The following DQX1 variants were observed in gnomAD, a reference collection of about 807,000 sequenced individuals.
The protein encoded by DQX1 is ATP-dependent RNA helicase homolog DQX1.
Under a neutral mutation model 81.3 loss-of-function variants are expected in DQX1, and 66 were observed. That is an observed-to-expected ratio of 0.81 (90% CI 0.67 to 1.00). The LOEUF is 1.00. Ranked by LOEUF, DQX1 falls within the 50% of genes least tolerant of loss-of-function variation. DQX1 has a pLI of 0.00. For synonymous variants in DQX1, 290 were observed against 350.0 expected (o/e 0.83, Z 1.91); for missense variants, 798 against 867.9 (o/e 0.92, Z 1.01).
chr2:74,519,978 C>T lies in DQX1; in HGVS notation c.1552G>A (p.Ala518Thr). The T allele has an allele frequency of 1.2e-6, 2 of 1,614,190 alleles. No homozygotes were observed. Among genetic ancestry groups the T allele is most frequent in the South Asian group, 2.2e-5 (2 of 91,088 alleles). The stretch of plus-strand genomic sequence containing the variant: ...TGGTCACCATCCGTGTGTTCCAGGG[C>T]CCGACGCAGGGCAGCTTCTTCTGCA... ...LSAEEAALRRALEHTDGDHSS... is the reference protein window; with the variant it reads ...LSAEEAALRRTLEHTDGDHSS... Residue 518 changes from alanine to threonine, a missense_variant, in exon 9 of 12, where the codon GCC (alanine) becomes ACC (threonine). Ala to Thr is a moderately conservative substitution (Grantham distance 58). Coordinates refer to ENST00000404568, the MANE Select transcript of DQX1 (RefSeq NM_133637.3).
rs1268951847 is a variant in DQX1, at chr2:74,524,173, G to A, written c.566C>T (p.Ala189Val). Residue 189 changes from alanine to valine, a missense_variant, in exon 4 of 12, where the codon GCC (alanine) becomes GTC (valine). Transcript: ENST00000404568. ...GTCCCCCGGAAGTTTTTCCAGCCTGGCATCTTGCAGTAGCCCCTGGAGTGA... is the reference window on the plus strand; with the variant it reads ...GTCCCCCGGAAGTTTTTCCAGCCTGACATCTTGCAGTAGCCCCTGGAGTGA... Reference protein sequence around the residue: ...SDSLQGLLQDARLEKLPGDLR... With the variant: ...SDSLQGLLQDVRLEKLPGDLR... The A allele has an allele frequency of 3.7e-6, 6 of 1,614,168 alleles. No homozygotes were observed. The highest frequency in any genetic ancestry group is 5.1e-6 in the Non-Finnish European group (6 of 1,180,022).
At chr2:74,521,664 GAAAA>G (rs1330433355) in intron 8 of DQX1, among the ~76,000 whole-genome samples, 1 of 148,086 alleles carries the variant, frequency 6.8e-6, no homozygotes, top group Non-Finnish European at 1.5e-5. Flanking sequence ...AAAAAAAAAA[GAAAA>G]AGAAAAAAAG....
chr2:74,518,902 C>A, intron 11 of DQX1, 138 bp downstream of exon 11: 1 of 970,834 alleles, frequency 1.0e-6, no homozygotes, highest in Non-Finnish European at 1.5e-6. Context: ...CTCACCAGCC[C>A]TTCCACAAAT....
Position 74,519,089 on chromosome 2 carries a change from T to TG in DQX1, c.1947dup (p.Ile650HisfsTer12). 2.5e-6 allele frequency: 4 copies of TG among 1,601,106 alleles called. No individual in the cohort carries two copies. The highest frequency in any genetic ancestry group is 3.4e-6 in the Non-Finnish European group (4 of 1,175,722). On this transcript the variant is annotated frameshift_variant, in exon 11 of 12. Coordinates refer to ENST00000404568, the MANE Select transcript of DQX1 (RefSeq NM_133637.3). LOFTEE classifies it high-confidence loss of function. Reference sequence around the variant, plus strand: ...ATGGAAAGGCAGTTGTCTTTGGATATGGTGAAATTGTGGTAGAGCACCCAT... The same window carrying TG: ...ATGGAAAGGCAGTTGTCTTTGGATATGGGTGAAATTGTGGTAGAGCACCCAT...
In DQX1 at chr2:74,518,683, G is replaced by C. The variant is rs1020728466; in HGVS notation, c.1998-81C>G. On this transcript the variant is annotated intron_variant, in intron 11 of 11. Transcript: ENST00000404568. ...CTTTTTAGAGACAGGGTCTCGCTCT[G>C]TTACCTGGGCTGGAGTTCAGTGGCA... 1.3e-5 allele frequency: 18 copies of C among 1,412,450 alleles called. No homozygotes were observed. In the Admixed American group the frequency reaches 2.5e-4, roughly 20 times the overall value. The allele number at this position is 1,412,450 out of a possible 1,614,324, so 87.5% of individuals were successfully genotyped here.
At position 74,524,052 on chromosome 2, in the gene DQX1, AC is replaced by A. The variant is rs1675110069; in HGVS notation, c.686del (p.Gly229ValfsTer37). On this transcript the variant is annotated frameshift_variant, in exon 4 of 12. Transcript: ENST00000404568. LOFTEE classifies it high-confidence loss of function. Reference protein sequence around the residue: ...PPIVHIPREPGERPSPIYWDT... With the variant: ...PPIVHIPREPXERPSPIYWDT... ...CCCAGTAGATGGGGGAAGGTCTCTC[AC>A]CAGGCTCTCTGGGTATATGCACAAT... The A allele has an allele frequency of 6.2e-7, 1 of 1,614,044 alleles. No individual in the cohort carries two copies. Among genetic ancestry groups the A allele is most frequent in the Non-Finnish European group, 8.5e-7 (1 of 1,180,014 alleles).
chr2:74,521,135 T>A (rs1272400333), intron 8 of DQX1, among the ~76,000 whole-genome samples: 1 of 152,190 alleles, frequency 6.6e-6, no homozygotes, highest in Non-Finnish European at 1.5e-5. Flanking sequence ...GACAGATGAA[T>A]ATATTTATAT....
chr2:74,521,728 C>T (rs909937278), intron 8 of DQX1, among the ~76,000 whole-genome samples: 1 of 149,732 alleles, frequency 6.7e-6, no homozygotes, highest in Non-Finnish European at 1.5e-5. Context: ...CCTCTCTTTC[C>T]CTCTCCCTCT....
rs141992353 is a variant in DQX1 at position 74,519,116 on chromosome 2, G to C, written c.1921C>G (p.Pro641Ala). 5.6e-6 allele frequency: 9 copies of C among 1,612,168 alleles called. No individual in the cohort carries two copies. Among genetic ancestry groups the C allele is most frequent in the Non-Finnish European group, 7.6e-6 (9 of 1,179,344 alleles). Reference sequence around the variant, plus strand: ...GTGAAATTGTGGTAGAGCACCCATGGTGGGGGTCTGGCAGGAGCTCTGCGG... The same window carrying C: ...GTGAAATTGTGGTAGAGCACCCATGCTGGGGGTCTGGCAGGAGCTCTGCGG... Reference protein sequence around the residue: ...RSRRAPARPPPWVLYHNFTIS... With the variant: ...RSRRAPARPPAWVLYHNFTIS... Residue 641 changes from proline to alanine, a missense_variant, in exon 11 of 12, where the codon CCA becomes GCA. Physicochemically the swap from Pro to Ala is conservative, Grantham distance 27. Transcript: ENST00000404568.
At chr2:74,524,744 G>A (rs1378597873) in intron 3 of DQX1, among the ~76,000 whole-genome samples, 6 of 151,950 alleles carry the variant, frequency 3.9e-5, no homozygotes, top group South Asian at 2.1e-4. Context: ...TTAGCCAGGC[G>A]TGGAGGTGCG....
In DQX1 at chr2:74,519,683, T is replaced by C; in HGVS notation, c.1679A>G (p.His560Arg). 1 of 1,614,202 alleles carries C rather than the reference T, an allele frequency of 6.2e-7. No homozygotes were observed. The highest frequency in any genetic ancestry group is 8.5e-7 in the Non-Finnish European group (1 of 1,180,050). The change falls in exon 10 of 12, where the codon CAT becomes CGT. Residue 560 changes from histidine (H) to arginine (R), a missense_variant. Coordinates refer to ENST00000404568, the MANE Select transcript of DQX1 (RefSeq NM_133637.3). ...GLNWAALCQA[H>R]KLRGELLELM... ...TTCTAGGAGTTCTCCCCGAAGTTTA[T>C]GGGCTTGGCACAATGCTGCCCAATT...
Position 74,525,520 on chromosome 2 carries a change from C to G in DQX1, c.210G>C (p.Gly70=), listed in dbSNP as rs906214978. ...SNPTGVVLVS[G]EPGSGKSTQI... is the part of the protein sequence containing the mutation. ...GGGTGCTCTTGCCAGAACCAGGCTC[C>G]CCAGACACCAGCACCACTCCAGTGG... The change falls in exon 2 of 12, where the codon GGG becomes GGC. Residue 70 remains glycine, a synonymous_variant. Transcript: ENST00000404568. The surrounding 1 kb of genome is among the most constrained non-coding windows in gnomAD (Gnocchi z 4.1). 34 of 1,552,296 alleles carry G rather than the reference C, an allele frequency of 2.2e-5. No individual in the cohort carries two copies. The East Asian group carries it at 8.3e-4, about 38-fold the overall frequency.
intron 8 of DQX1, among the ~76,000 whole-genome samples, chr2:74,521,076 C>A (rs1417453491): frequency 1.3e-5 from 2 of 152,150 alleles, no homozygotes; most frequent in African/African-American, 4.8e-5. Context: ...GAGGACCTAC[C>A]ATTGGCAGAT....
rs1310995137 is a variant in DQX1 at position 74,522,596 on chromosome 2, C to G, written c.1479G>C (p.Leu493=). The G allele has an allele frequency of 3.0e-5, 48 of 1,613,496 alleles. 1 individual carries two copies. The Admixed American group carries it at 7.8e-4, about 26-fold the overall frequency. The change falls in exon 8 of 12, where the codon CTG becomes CTC. Residue 493 remains leucine, a synonymous_variant. Transcript: ENST00000404568. ...GATTTATACCTGTGAGCATGGCAGC[C>G]AGGGTGAGCATCTCGTCCACACAGT... ...EFDCVDEMLT[L]AAMLTAAPGF... is the part of the protein sequence containing the mutation.
At position 74,519,206 on chromosome 2, in the gene DQX1, C is replaced by T; in HGVS notation, c.1831G>A (p.Gly611Arg). 6.3e-7 allele frequency: 1 copy of T among 1,578,846 alleles called. No homozygotes were observed. Among genetic ancestry groups the T allele is most frequent in the Non-Finnish European group, 8.6e-7 (1 of 1,162,050 alleles). The change falls in exon 11 of 12, where the codon GGA (glycine) becomes AGA (arginine). Residue 611 changes from glycine (G) to arginine (R), a missense_variant. Gly to Arg is a moderately radical substitution (Grantham distance 125, BLOSUM62 -2). Transcript: ENST00000404568. ...LKVARDTDGT[G>R]NYLLLTHKHV... ...TTATGGGTTAGGAGAAGGTAATTTC[C>T]AGTCCCGTCTGTGTCTCTGGCCACC...
Position 74,518,306 on chromosome 2 carries a change from A to G in DQX1, c.*140T>C. 1.0e-6 allele frequency: 1 copy of G among 988,440 alleles called. No individual in the cohort carries two copies. The highest frequency in any genetic ancestry group is 1.5e-6 in the Non-Finnish European group (1 of 677,380). The allele number at this position is 988,440 out of a possible 1,614,324, so 61.2% of individuals were successfully genotyped here. On this transcript the variant is annotated 3_prime_UTR_variant, in exon 12 of 12. Coordinates refer to ENST00000404568, the MANE Select transcript of DQX1 (RefSeq NM_133637.3). The stretch of plus-strand genomic sequence containing the variant: ...CCATTCTTTCCATTCCCAGTCTACC[A>G]TTTCTTGGGACTCAGGTTCCAGGGT...
intron 8 of DQX1, 82 bp from the exon 9 acceptor site, chr2:74,520,116 C>A (rs934717061): frequency 6.5e-6 from 10 of 1,533,758 alleles, no homozygotes; most frequent in Non-Finnish European, 1.8e-6. Flanking sequence ...GCTGAAAAGG[C>A]AGAAGTGTCC....
At position 74,525,339 on chromosome 2, in the gene DQX1, C is replaced by T. The variant is rs533325499; in HGVS notation, c.238-137G>A. ...TCTTTCACCAGCCTCCAGGGCCAACCTAACCCATCCCATCTCTCTTCGTTC... is the reference window on the plus strand; with the variant it reads ...TCTTTCACCAGCCTCCAGGGCCAACTTAACCCATCCCATCTCTCTTCGTTC... On this transcript the variant is annotated intron_variant, in intron 2 of 11. Transcript: ENST00000404568. The surrounding 1 kb of genome is among the most constrained non-coding windows in gnomAD (Gnocchi z 4.1). 8.8e-6 allele frequency: 11 copies of T among 1,248,612 alleles called. No individual in the cohort carries two copies. In the African/African-American group the frequency reaches 1.7e-4, roughly 19 times the overall value. 77.3% of individuals were successfully genotyped at this position (1,248,612 alleles called of 1,614,324 possible).
intron 8 of DQX1, among the ~76,000 whole-genome samples, chr2:74,521,237 T>A (rs1285088795): frequency 6.6e-6 from 1 of 152,218 alleles, no homozygotes; most frequent in East Asian, 1.9e-4. Flanking sequence ...AATAGTATTA[T>A]CTGAATCTAA....
Sources: gnomAD v4.1 joint callset for allele counts (sites outside exome capture counted in the v4.1 genomes callset) on GRCh38, gnomAD v4.1.1 for gene constraint, Gnocchi (gnomAD v3.1) non-coding constraint, MANE v1.5 for transcripts, NCBI Gene and HGNC (gene_info 2026-07-23, HGNC 2026-07-21) for gene names.